ZNF652: variants seen among roughly 807,000 people sequenced by gnomAD.
ZNF652 encodes the protein zinc finger protein 652.
Under a neutral mutation model 45.2 loss-of-function variants are expected in ZNF652, and 16 were observed. That is an observed-to-expected ratio of 0.35 (90% CI 0.24 to 0.54). The LOEUF (loss-of-function observed/expected upper bound fraction) is 0.54. Ranked by LOEUF, ZNF652 falls within the 20% of genes least tolerant of loss-of-function variation. ZNF652 has a pLI of 0.91. For missense variants in ZNF652, 614 were observed against 765.6 expected (o/e 0.80, Z 2.34); for synonymous variants, 250 against 260.6 (o/e 0.96, Z 0.39).
chr17:49,317,015 AGCTTTCTGGACTGGT>A lies in ZNF652; in HGVS notation c.696_710del (p.Pro233_Ala237del). 6.2e-7 allele frequency: 1 copy of A among 1,614,010 alleles called. No individual in the cohort carries two copies. The highest frequency in any genetic ancestry group is 8.5e-7 in the Non-Finnish European group (1 of 1,179,976). On this transcript the variant is annotated inframe_deletion, in exon 2 of 6. Transcript: ENST00000430262. ...TCAGAGTCTCTTTCTCTTCACACTT[AGCTTTCTGGACTGGT>A]GCTTTGGGCTCCTTTGTGGCCCGCT...
intron 1 of ZNF652, among the ~76,000 whole-genome samples, chr17:49,328,258 C>CAA (rs2069987357): frequency 6.6e-6 from 1 of 151,954 alleles, no homozygotes; most frequent in Admixed American, 6.6e-5. Flanking sequence ...AAAGCTGGGG[C>CAA]TGGTCTTGAA....
At chr17:49,351,516 TAAAA>T (rs1567700591) in intron 1 of ZNF652, among the ~76,000 whole-genome samples, 1 of 152,020 alleles carries the variant, frequency 6.6e-6, no homozygotes, top group East Asian at 1.9e-4. Context: ...TATGACCATA[TAAAA>T]AAGATTAAAG....
chr17:49,313,454 G>A (rs1213926566), intron 2 of ZNF652, among the ~76,000 whole-genome samples: 1 of 152,102 alleles, frequency 6.6e-6, no homozygotes, highest in Non-Finnish European at 1.5e-5. Context: ...ACCAAGCCCA[G>A]CCAAGTTTTT....
Position 49,293,655 on chromosome 17 carries a change from TAAAAAAAAAAAAAAA to T in ZNF652, c.*4743_*4757del, listed in dbSNP as rs10609861. Among the ~76,000 whole-genome samples, 9 of 78,318 alleles carry T rather than the reference TAAAAAAAAAAAAAAA, an allele frequency of 1.1e-4. No homozygotes were observed. The East Asian group carries it at 2.0e-3, about 18-fold the overall frequency. The allele number at this position is 78,318 out of a possible 152,430, so 51.4% of individuals were successfully genotyped here. On this transcript the variant is annotated 3_prime_UTR_variant, in exon 6 of 6. Coordinates refer to ENST00000430262, the MANE Select transcript of ZNF652 (RefSeq NM_001145365.3). The stretch of plus-strand genomic sequence containing the variant: ...CTAATGGCTTATGACCTTTCATTCC[TAAAAAAAAAAAAAAA>T]AAAAAAAAAAAAAAACTCTTAAGTA...
chr17:49,310,932 GA>G (rs1322136457), intron 5 of ZNF652, among the ~76,000 whole-genome samples: 2 of 152,070 alleles, frequency 1.3e-5, no homozygotes, highest in African/African-American at 2.4e-5. Context: ...AACAGAGAGA[GA>G]GGGGTATTCT....
Position 49,298,567 on chromosome 17 carries a change from G to GGGTGTGGGTGGATGTGCA in ZNF652, c.1649_1666dup (p.Leu550_His555dup), listed in dbSNP as rs1224113480. ...GATGGGAAGGTGGTGTGGGTGGTGA[G>GGGTGTGGGTGGATGTGCA]GGTGTGGGTGGATGTGCAGGTGTGA... On this transcript the variant is annotated inframe_insertion, in exon 6 of 6. Coordinates refer to ENST00000430262, the MANE Select transcript of ZNF652 (RefSeq NM_001145365.3). The GGGTGTGGGTGGATGTGCA allele has an allele frequency of 1.9e-6, 3 of 1,611,500 alleles. No individual in the cohort carries two copies. Among genetic ancestry groups the GGGTGTGGGTGGATGTGCA allele is most frequent in the Non-Finnish European group, 2.5e-6 (3 of 1,179,018 alleles).
chr17:49,356,429 C>CAAAAAAAAAAA (rs35374808), intron 1 of ZNF652, among the ~76,000 whole-genome samples: 2 of 42,338 alleles, frequency 4.7e-5, no homozygotes, highest in African/African-American at 1.1e-4. Context: ...ACTCTGTCTG[C>CAAAAAAAAAAA]AAAAAAAAAA....
At chr17:49,315,779 T>C (rs544558440) in intron 2 of ZNF652, among the ~76,000 whole-genome samples, 8 of 152,348 alleles carry the variant, frequency 5.3e-5, no homozygotes, top group Admixed American at 3.3e-4. Context: ...CCCAGCGTGT[T>C]GGAGATCAAG....
At chr17:49,343,909 G>C (rs559003550) in intron 1 of ZNF652, among the ~76,000 whole-genome samples, 10 of 152,068 alleles carry the variant, frequency 6.6e-5, no homozygotes, top group African/African-American at 2.4e-4. Flanking sequence ...TTAAAAATTA[G>C]CTAGGCCGGC....
rs2069406747 is a variant in ZNF652 at position 49,291,730 on chromosome 17, C to T, written c.*6683G>A. 1 of 152,114 alleles carries T rather than the reference C, an allele frequency of 6.6e-6. No homozygotes were observed. The highest frequency in any genetic ancestry group is 1.5e-5 in the Non-Finnish European group (1 of 68,024). 9.4% of individuals were successfully genotyped at this position (152,114 alleles called of 1,614,324 possible). A position where few individuals can be genotyped will look rare whatever the true frequency, so the allele number is the denominator to read the frequency against. ...AAAGCCACAAATTTTAAAGTAGATA[C>T]TAAGTTACTAGTTACTATCCAAGAG... On this transcript the variant is annotated 3_prime_UTR_variant, in exon 6 of 6. Coordinates refer to ENST00000430262, the MANE Select transcript of ZNF652 (RefSeq NM_001145365.3).
At chr17:49,337,053 G>T (rs2070093042) in intron 1 of ZNF652, among the ~76,000 whole-genome samples, 1 of 147,194 alleles carries the variant, frequency 6.8e-6, no homozygotes, top group Non-Finnish European at 1.5e-5. Flanking sequence ...AAAATTAAAG[G>T]TGATCAGGCA....
chr17:49,346,619 C>T (rs1378064700), intron 1 of ZNF652, among the ~76,000 whole-genome samples: 1 of 152,148 alleles, frequency 6.6e-6, no homozygotes, highest in African/African-American at 2.4e-5. Context: ...AGATTTTAAT[C>T]TTTAGCTTCA....
intron 5 of ZNF652, among the ~76,000 whole-genome samples, chr17:49,310,502 T>C (rs1039441630): frequency 3.9e-5 from 6 of 152,186 alleles, no homozygotes; most frequent in Non-Finnish European, 7.4e-5. Flanking sequence ...ATGGAACATA[T>C]GCTCCTAAAA....
At chr17:49,312,946 G>A (rs1012053171) in intron 2 of ZNF652, 101 bp from the exon 3 acceptor site, 3 of 1,185,968 alleles carry the variant, frequency 2.5e-6, no homozygotes, top group Admixed American at 4.6e-5. Flanking sequence ...ATGGCACAAG[G>A]CCAGAATCCA....
intron 1 of ZNF652, among the ~76,000 whole-genome samples, chr17:49,326,239 T>C (rs1338765162): frequency 1.8e-4 from 19 of 104,032 alleles, no homozygotes; most frequent in Non-Finnish European, 3.3e-4. Flanking sequence ...AGACCCCATC[T>C]CTAAAAAAAA....
chr17:49,319,955 C>T (rs932646812), intron 1 of ZNF652, among the ~76,000 whole-genome samples: 2 of 152,156 alleles, frequency 1.3e-5, no homozygotes, highest in African/African-American at 4.8e-5. Context: ...TTATCTCAGT[C>T]CCATTTCCTG....
At chr17:49,302,135 TC>T (rs1426321433) in intron 5 of ZNF652, among the ~76,000 whole-genome samples, 1 of 151,640 alleles carries the variant, frequency 6.6e-6, no homozygotes, top group Non-Finnish European at 1.5e-5. Flanking sequence ...GCACCTGCAG[TC>T]CCAGCTACTG....
Position 49,300,969 on chromosome 17 carries a change from T to C in ZNF652, c.1310-2045A>G, listed in dbSNP as rs149766859. On this transcript the variant is annotated intron_variant, in intron 5 of 5. Transcript: ENST00000430262. ...CAGCCTGGTTCTAGAGTTTATGTTT[T>C]TGACATATAAACCACAGTATTTCAC... Among the ~76,000 whole-genome samples the C allele has an allele frequency of 1.0e-3, 158 of 152,334 alleles. 1 individual carries two copies. The highest frequency in any genetic ancestry group is 3.7e-3 in the African/African-American group (154 of 41,564).
chr17:49,337,955 T>C (rs920082562), intron 1 of ZNF652, among the ~76,000 whole-genome samples: 6 of 152,102 alleles, frequency 3.9e-5, no homozygotes, highest in African/African-American at 1.2e-4. Context: ...AAGCAAGACC[T>C]ATGCACAAAA....
Sources: gnomAD v4.1 joint callset for allele counts (sites outside exome capture counted in the v4.1 genomes callset) on GRCh38, gnomAD v4.1.1 for gene constraint, MANE v1.5 for transcripts, NCBI Gene and HGNC (gene_info 2026-07-23, HGNC 2026-07-21) for gene names.